LRRC27: variants seen among roughly 807,000 people sequenced by gnomAD.
LRRC27 encodes leucine-rich repeat-containing protein 27.
LRRC27 carries 57 observed loss-of-function variants against 55.0 expected under a neutral mutation model. The ratio of observed to expected loss-of-function variants is 1.04; its 90% CI spans 0.84 to 1.29. LRRC27 has a LOEUF of 1.29. LRRC27 is among the 50% of genes most tolerant of loss of function. The pLI, the probability that LRRC27 is intolerant of heterozygous loss-of-function variation, is 0.00. For synonymous variants in LRRC27, 278 were observed against 251.9 expected (o/e 1.10, Z -0.98); for missense variants, 721 against 651.5 (o/e 1.11, Z -1.16).
At chr10:132,339,000 G>A (rs1184781771) in intron 3 of LRRC27, among the ~76,000 whole-genome samples, 5 of 152,156 alleles carry the variant, frequency 3.3e-5, no homozygotes, top group East Asian at 1.9e-4. Context: ...ATGAGCCCCC[G>A]CGCCCGGCTA....
chr10:132,378,195 C>G lies in LRRC27; in HGVS notation c.*2953C>G, dbSNP rs368328963. ...GTCTCAAAAAAAAAAAAAAAAGATTCAATGTTCATTGTTATTTGTTGCTCC... is the reference window on the plus strand; with the variant it reads ...GTCTCAAAAAAAAAAAAAAAAGATTGAATGTTCATTGTTATTTGTTGCTCC... On this transcript the variant is annotated 3_prime_UTR_variant, in exon 11 of 11. Coordinates refer to ENST00000368614, the MANE Select transcript of LRRC27 (RefSeq NM_030626.3). The G allele has an allele frequency of 6.6e-6, 1 of 150,702 alleles. No individual in the cohort carries two copies. The highest frequency in any genetic ancestry group is 1.9e-4 in the East Asian group (1 of 5,178). 9.3% of individuals were successfully genotyped at this position (150,702 alleles called of 1,614,324 possible).
intron 4 of LRRC27, among the ~76,000 whole-genome samples, chr10:132,343,110 C>A (rs980213711): frequency 6.6e-6 from 1 of 152,088 alleles, no homozygotes; most frequent in Non-Finnish European, 1.5e-5. Context: ...GAGTTTGAAA[C>A]CAGCCTGGGT....
In LRRC27 at chr10:132,347,975, C is replaced by T. The variant is rs749917052; in HGVS notation, c.554-9C>T. The T allele has an allele frequency of 6.3e-7, 1 of 1,579,264 alleles. No individual in the cohort carries two copies. Among genetic ancestry groups the T allele is most frequent in the Non-Finnish European group, 8.6e-7 (1 of 1,165,526 alleles). On this transcript the variant is annotated splice_polypyrimidine_tract_variant and intron_variant, in intron 5 of 10. Transcript: ENST00000368614. The stretch of plus-strand genomic sequence containing the variant: ...TGGTAGCTACTAAAGCGGTTTCTTA[C>T]TCTCCCAGAGGCTCCACCGGTTAGA...
chr10:132,353,352 G>GAT, intron 7 of LRRC27: 1 of 1,081,150 alleles, frequency 9.2e-7, no homozygotes, highest in Non-Finnish European at 1.1e-6. Context: ...CGCCCCTGTG[G>GAT]CTCACCTGCT....
intron 2 of LRRC27, 39 bp downstream of exon 2, chr10:132,333,773 C>A (rs768115063): frequency 4.0e-6 from 6 of 1,502,710 alleles, no homozygotes; most frequent in Non-Finnish European, 5.5e-6. Context: ...GCCCACAGGT[C>A]CCCTATAGAC....
In LRRC27 at chr10:132,381,345, C is replaced by G. The variant is rs1013913040; in HGVS notation, c.*6103C>G. Reference sequence around the variant, plus strand: ...CCAGGGGCTCTCGGGCCTTCGGCCACAGACTGAAGGCTGCACTGTCGGCTT... The same window carrying G: ...CCAGGGGCTCTCGGGCCTTCGGCCAGAGACTGAAGGCTGCACTGTCGGCTT... On this transcript the variant is annotated 3_prime_UTR_variant, in exon 11 of 11. Coordinates refer to ENST00000368614, the MANE Select transcript of LRRC27 (RefSeq NM_030626.3). Among the ~76,000 whole-genome samples, 1 of 152,262 alleles carries G rather than the reference C, an allele frequency of 6.6e-6. No individual in the cohort carries two copies. Among genetic ancestry groups the G allele is most frequent in the Non-Finnish European group, 1.5e-5 (1 of 68,050 alleles).
chr10:132,337,289 G>GA, intron 2 of LRRC27: 1 of 1,246,820 alleles, frequency 8.0e-7, no homozygotes, highest in Non-Finnish European at 1.0e-6. Flanking sequence ...CTTTGGGATA[G>GA]AAACAGTGGT....
intron 7 of LRRC27, among the ~76,000 whole-genome samples, chr10:132,354,817 G>T (rs1441677597): frequency 6.6e-6 from 1 of 152,220 alleles, no homozygotes; most frequent in East Asian, 1.9e-4. Flanking sequence ...GAGGAGGCCG[G>T]ATCTGGGGGC....
At chr10:132,338,145 A>T (rs1165401163) in intron 3 of LRRC27, among the ~76,000 whole-genome samples, 1 of 152,018 alleles carries the variant, frequency 6.6e-6, no homozygotes, top group Admixed American at 6.6e-5. Flanking sequence ...GCAAAACCCT[A>T]TCTCTAATAA....
chr10:132,362,436 C>T (rs1313445163), intron 9 of LRRC27, among the ~76,000 whole-genome samples: 5 of 152,124 alleles, frequency 3.3e-5, no homozygotes, highest in Non-Finnish European at 7.4e-5. Flanking sequence ...CTGGGTGGCC[C>T]GGCGAGTTCA....
At chr10:132,358,689 A>T (rs1443964260) in intron 8 of LRRC27, among the ~76,000 whole-genome samples, 1 of 69,140 alleles carries the variant, frequency 1.4e-5, no homozygotes, top group Non-Finnish European at 2.9e-5. Context: ...TGTGGGGAGG[A>T]GCCGAGGTGG....
At chr10:132,365,082 G>A (rs766590641) in intron 9 of LRRC27, among the ~76,000 whole-genome samples, 1 of 152,278 alleles carries the variant, frequency 6.6e-6, no homozygotes, top group African/African-American at 2.4e-5. Flanking sequence ...ACAGAAACCT[G>A]CTTTTCCCTT....
chr10:132,331,849 T>C (rs766337457), upstream of LRRC27: 22 of 1,458,860 alleles, frequency 1.5e-5, no homozygotes, highest in East Asian at 1.9e-4. Context: ...GAAAAACGGA[T>C]GCTACCGTTG....
Position 132,365,466 on chromosome 10 carries a change from C to T in LRRC27, c.1332C>T (p.His444=), listed in dbSNP as rs1244498035. 19 of 1,613,578 alleles carry T rather than the reference C, an allele frequency of 1.2e-5. No individual in the cohort carries two copies. The highest frequency in any genetic ancestry group is 4.5e-5 in the East Asian group (2 of 44,894). ...ERNLEEKIKQ[H]VLQMREQRRF... ...ATTTAGAAGAGAAGATAAAACAGCACGTCCTCCAAATGCGTGAGCAAAGAA... is the reference window on the plus strand; with the variant it reads ...ATTTAGAAGAGAAGATAAAACAGCATGTCCTCCAAATGCGTGAGCAAAGAA... The change falls in exon 10 of 11, where the codon CAC becomes CAT. Residue 444 remains histidine (H), a synonymous_variant. Transcript: ENST00000368614.
At chr10:132,340,908 C>T in intron 3 of LRRC27, among the ~76,000 whole-genome samples, 1 of 143,284 alleles carries the variant, frequency 7.0e-6, no homozygotes, top group South Asian at 2.2e-4. Context: ...ATTCAAATAA[C>T]AAGGAAAATC....
rs1055917260 is a variant in LRRC27, at chr10:132,348,454, G to A, written c.926+98G>A. ...AAACATCAGGTCCAGCTTTTAAAGT[G>A]TCCTCCACGTTGCCACCGTTTACTG... is the stretch of plus-strand genomic sequence containing the variant. On this transcript the variant is annotated intron_variant, in intron 6 of 10. Transcript: ENST00000368614. This position sits in a 1 kb window ranked among gnomAD's most constrained non-coding sequence, Gnocchi z 4.2. 20 of 1,486,798 alleles carry A rather than the reference G, an allele frequency of 1.3e-5. No homozygotes were observed. The East Asian group carries it at 4.6e-4, about 34-fold the overall frequency. 92.1% of individuals were successfully genotyped at this position (1,486,798 alleles called of 1,614,324 possible).
Position 132,365,451 on chromosome 10 carries a change from G to T in LRRC27, c.1317G>T (p.Glu439Asp), listed in dbSNP as rs746646438. ...CCCTGCAGGAGAGAAATTTAGAAGA[G>T]AAGATAAAACAGCACGTCCTCCAAA... ...MSALQERNLE[E>D]KIKQHVLQMR... The change falls in exon 10 of 11, where the codon GAG (glutamate) becomes GAT (aspartate). Residue 439 changes from glutamate to aspartate, a missense_variant. Transcript: ENST00000368614. 6.2e-7 allele frequency: 1 copy of T among 1,613,752 alleles called. No individual in the cohort carries two copies. Among genetic ancestry groups the T allele is most frequent in the East Asian group, 2.2e-5 (1 of 44,886 alleles).
chr10:132,375,035 C>T, intron 10 of LRRC27, 31 bp from the exon 11 acceptor site: 2 of 1,590,296 alleles, frequency 1.3e-6, no homozygotes, highest in Non-Finnish European at 1.7e-6. Context: ...GCCAGCCTTT[C>T]TAACATCTCC....
chr10:132,364,503 AT>A, intron 9 of LRRC27, among the ~76,000 whole-genome samples: 1 of 82,754 alleles, frequency 1.2e-5, no homozygotes. Flanking sequence ...CCACCCTTAC[AT>A]CTACCTCCAC....
Sources: allele counts gnomAD v4.1 joint callset (sites outside exome capture counted in the v4.1 genomes callset), GRCh38; gene constraint gnomAD v4.1.1; non-coding constraint Gnocchi (gnomAD v3.1); transcripts MANE v1.5; gene names NCBI Gene and HGNC (gene_info 2026-07-23, HGNC 2026-07-21).